Variants in AHCYL1 observed in about 807,000 individuals in gnomAD.
The protein encoded by AHCYL1 is adenosylhomocysteinase like 1.
AHCYL1 carries 20 observed loss-of-function variants against 79.3 expected under a neutral mutation model. The ratio of observed to expected loss-of-function variants is 0.25; its 90% confidence interval spans 0.18 to 0.37. The LOEUF (loss-of-function observed/expected upper bound fraction) is 0.37, where lower values mean the gene tolerates loss of function less well. AHCYL1 is among the 10% of genes least tolerant of loss of function. The pLI is 1.00. For missense variants in AHCYL1, 330 were observed against 673.6 expected (o/e 0.49, Z 5.65); for synonymous variants, 223 against 242.2 (o/e 0.92, Z 0.74).
chr1:110,015,283 T>C, intron 6 of AHCYL1, 142 bp from the exon 7 acceptor site: 1 of 684,776 alleles, frequency 1.5e-6, no homozygotes. Flanking sequence ...GTATTTCCAC[T>C]CTCTAAGCCT....
At chr1:110,001,863 TTAACC>T (rs1405603070) in intron 1 of AHCYL1, among the ~76,000 whole-genome samples, 3 of 152,188 alleles carry the variant, frequency 2.0e-5, no homozygotes, top group East Asian at 1.9e-4. Flanking sequence ...ATATAAAATC[TTAACC>T]TAATATATCA....
In AHCYL1 at chr1:110,012,396, T is replaced by C; in HGVS notation, c.411T>C (p.Ala137=). 1 of 1,613,956 alleles carries C rather than the reference T, an allele frequency of 6.2e-7. No individual in the cohort carries two copies. Among genetic ancestry groups the C allele is most frequent in the Non-Finnish European group, 8.5e-7 (1 of 1,179,986 alleles). The part of the protein sequence containing the change: ...MSALISLRKR[A]QGEKPLAGAK... ...CTCTGATTTCACTCAGGAAACGTGC[T>C]CAGGGGGAGAAGCCCTTGGCTGGTG... The change falls in exon 4 of 17, where the codon GCT becomes GCC. Residue 137 remains alanine (A), a synonymous_variant. Transcript: ENST00000369799.
At position 110,021,847 on chromosome 1, in the gene AHCYL1, T is replaced by C; in HGVS notation, c.*167T>C. On this transcript the variant is annotated 3_prime_UTR_variant, in exon 17 of 17. Coordinates refer to ENST00000369799, the MANE Select transcript of AHCYL1 (RefSeq NM_006621.7). ...CAAGTTCTGCAGACCACACAGGAAC[T>C]TGCTTCATGGCTCTTTAGATGAAAT... 1.6e-6 allele frequency: 1 copy of C among 638,850 alleles called. No individual in the cohort carries two copies. Among genetic ancestry groups the C allele is most frequent in the Non-Finnish European group, 2.6e-6 (1 of 390,406 alleles). 39.6% of individuals were successfully genotyped at this position (638,850 alleles called of 1,614,324 possible).
chr1:110,018,422 T>C lies in AHCYL1; in HGVS notation c.1173T>C (p.Ser391=), dbSNP rs1651562736. 1.9e-6 allele frequency: 3 copies of C among 1,614,068 alleles called. No homozygotes were observed. Among genetic ancestry groups the C allele is most frequent in the Admixed American group, 1.7e-5 (1 of 59,994 alleles). ...AGCACTTGGATCGCATGAAAAACAGTTGTATCGTATGCAATATGGGCCACT... is the reference window on the plus strand; with the variant it reads ...AGCACTTGGATCGCATGAAAAACAGCTGTATCGTATGCAATATGGGCCACT... The part of the protein sequence containing the change: ...TREHLDRMKN[S]CIVCNMGHSN... Residue 391 remains serine, a synonymous_variant, in exon 12 of 17, where the codon AGT becomes AGC. Coordinates refer to ENST00000369799, the MANE Select transcript of AHCYL1 (RefSeq NM_006621.7).
chr1:110,011,103 C>G (rs542624286), intron 2 of AHCYL1, 111 bp from the exon 3 acceptor site: 68 of 1,331,022 alleles, frequency 5.1e-5, no homozygotes, highest in Non-Finnish European at 6.7e-5. Context: ...AAGGTAGCTC[C>G]AATTAAGGGT....
intron 1 of AHCYL1, among the ~76,000 whole-genome samples, chr1:110,008,009 GT>G (rs1228089733): frequency 0.015 from 1,987 of 131,862 alleles, 25 homozygotes; most frequent in African/African-American, 0.04. Flanking sequence ...ATTTAAGGAA[GT>G]TTTTTTTTTG....
intron 1 of AHCYL1, 46 bp from the exon 2 acceptor site, chr1:110,008,988 G>T: frequency 3.5e-6 from 5 of 1,425,098 alleles, no homozygotes; most frequent in Admixed American, 1.8e-5. Context: ...AACATTTCAT[G>T]GATTTTCCTT....
At chr1:110,012,300 T>G in intron 3 of AHCYL1, 62 bp from the exon 4 acceptor site, 1 of 1,465,574 alleles carries the variant, frequency 6.8e-7, no homozygotes, top group South Asian at 1.2e-5. Context: ...AGACCAGCCC[T>G]GGGGCAGGAA....
chr1:109,985,586 A>G, intron 1 of AHCYL1: 8 of 984,270 alleles, frequency 8.1e-6, no homozygotes, highest in Non-Finnish European at 9.7e-6. Context: ...AATCTTTGGG[A>G]GCAGTGGCCG....
At chr1:109,997,078 A>G (rs188582303) in intron 1 of AHCYL1, among the ~76,000 whole-genome samples, 1 of 152,354 alleles carries the variant, frequency 6.6e-6, no homozygotes, top group East Asian at 1.9e-4. Flanking sequence ...AGCCTTCTCT[A>G]AGCTAAAGAG....
At chr1:110,000,924 G>GT (rs1650276656) in intron 1 of AHCYL1, 1 of 982,948 alleles carries the variant, frequency 1.0e-6, no homozygotes, top group Non-Finnish European at 1.2e-6. Flanking sequence ...AGCCACAGGT[G>GT]TTGAGGCAAA....
At chr1:110,020,257 C>T (rs1368176385) in intron 15 of AHCYL1, among the ~76,000 whole-genome samples, 2 of 152,114 alleles carry the variant, frequency 1.3e-5, no homozygotes, top group African/African-American at 4.8e-5. Flanking sequence ...AATTCTGTGC[C>T]GACTACCTTA....
chr1:109,990,338 G>GT (rs796583308), intron 1 of AHCYL1, among the ~76,000 whole-genome samples: 3 of 152,084 alleles, frequency 2.0e-5, no homozygotes, highest in East Asian at 1.9e-4. Flanking sequence ...AATTAGTGGG[G>GT]TTTTTTTGTA....
intron 1 of AHCYL1, among the ~76,000 whole-genome samples, chr1:110,007,182 C>T (rs1650707712): frequency 6.6e-6 from 1 of 152,140 alleles, no homozygotes; most frequent in Non-Finnish European, 1.5e-5. Flanking sequence ...CTCCATGTAC[C>T]TGGTATCTGG....
chr1:109,998,295 GA>G (rs1457837028), intron 1 of AHCYL1, among the ~76,000 whole-genome samples: 1 of 151,952 alleles, frequency 6.6e-6, no homozygotes. Context: ...TAAGTTTTCG[GA>G]AAAATTATTC....
At chr1:109,991,906 C>T (rs1649776453) in intron 1 of AHCYL1, among the ~76,000 whole-genome samples, 1 of 152,214 alleles carries the variant, frequency 6.6e-6, no homozygotes, top group African/African-American at 2.4e-5. Context: ...GGCTCCAACT[C>T]TTCTAGTACT....
intron 1 of AHCYL1, chr1:110,004,081 C>G (rs889893612): frequency 2.0e-6 from 2 of 985,410 alleles, no homozygotes; most frequent in South Asian, 4.7e-5. Context: ...CTCTTCTCGC[C>G]GCGAGCATTG....
At chr1:109,987,268 A>C (rs1649515963) in intron 1 of AHCYL1, among the ~76,000 whole-genome samples, 2 of 152,244 alleles carry the variant, frequency 1.3e-5, no homozygotes, top group Non-Finnish European at 2.9e-5. Context: ...AGAACTGCTG[A>C]ATTGAACATT....
At chr1:110,005,229 GT>G (rs779890166) in intron 1 of AHCYL1, among the ~76,000 whole-genome samples, 56 of 152,274 alleles carry the variant, frequency 3.7e-4, no homozygotes, top group South Asian at 8.3e-4. Context: ...CCTAGTAATT[GT>G]TGTTTATCTT....
Sources: allele counts gnomAD v4.1 joint callset (sites outside exome capture counted in the v4.1 genomes callset), GRCh38; gene constraint gnomAD v4.1.1; transcripts MANE v1.5; gene names NCBI Gene and HGNC (gene_info 2026-07-23, HGNC 2026-07-21).